CSMD3: variants seen among roughly 807,000 people sequenced by gnomAD.
CSMD3 encodes the protein CUB and Sushi multiple domains 3.
Under a neutral mutation model 435.2 loss-of-function variants are expected in CSMD3, and 177 were observed. That is an observed-to-expected ratio of 0.41 (90% confidence interval 0.36 to 0.46). CSMD3 has a LOEUF of 0.46. Ranked by LOEUF, CSMD3 falls within the 20% of genes least tolerant of loss-of-function variation. CSMD3 has a pLI of 0.34. For synonymous variants in CSMD3, 1,656 were observed against 1,520.5 expected (o/e 1.09, Z -2.07); for missense variants, 4,265 against 4,504.6 (o/e 0.95, Z 1.52).
At chr8:112,691,721 T>C (rs1414214262) in intron 13 of CSMD3, among the ~76,000 whole-genome samples, 1 of 152,136 alleles carries the variant, frequency 6.6e-6, no homozygotes, top group Non-Finnish European at 1.5e-5. Flanking sequence ...TCTTCATATT[T>C]ACAAAAGGTT....
chr8:112,318,772 C>A, intron 47 of CSMD3, 65 bp downstream of exon 47: 2 of 1,032,690 alleles, frequency 1.9e-6, no homozygotes, highest in South Asian at 2.6e-5. Flanking sequence ...CTCAATCATA[C>A]CTATATTAAG....
At chr8:112,616,314 T>C (rs987673586) in intron 22 of CSMD3, among the ~76,000 whole-genome samples, 4 of 152,070 alleles carry the variant, frequency 2.6e-5, no homozygotes, top group Non-Finnish European at 4.4e-5. Context: ...GACATAAGCA[T>C]TTTTAGTGGT....
rs555800095 is a variant in CSMD3 at position 112,381,680 on chromosome 8, C to T, written c.6032-1224G>A. On this transcript the variant is annotated intron_variant, in intron 37 of 70. Coordinates refer to ENST00000297405, the MANE Select transcript of CSMD3 (RefSeq NM_198123.2). ...GGCCATAGTGTGATAACAGCAACCA[C>T]TGAAGACAGGGATAAACAGAAACTT... Among the ~76,000 whole-genome samples the T allele has an allele frequency of 5.0e-4, 76 of 152,286 alleles. 1 individual carries two copies. Among genetic ancestry groups the T allele is most frequent in the African/African-American group, 1.8e-3 (74 of 41,556 alleles).
intron 4 of CSMD3, among the ~76,000 whole-genome samples, chr8:113,128,904 A>C (rs1212561969): frequency 1.3e-5 from 2 of 152,138 alleles, no homozygotes; most frequent in Non-Finnish European, 2.9e-5. Context: ...TTTATATGTC[A>C]AATTGGGTAG....
chr8:112,779,466 A>G (rs1488238966), intron 13 of CSMD3, among the ~76,000 whole-genome samples: 10 of 152,172 alleles, frequency 6.6e-5, no homozygotes, highest in Non-Finnish European at 1.0e-4. Flanking sequence ...CTTGTCAGAA[A>G]AAGACCATGC....
Position 112,676,436 on chromosome 8 carries a change from CAT to C in CSMD3, c.2677+6004_2677+6005del, listed in dbSNP as rs568583432. ...TATTTAATAAAATAAAATTTAATAACATATATAATTTTTAGACTTGTCTAACT... is the reference window on the plus strand; with the variant it reads ...TATTTAATAAAATAAAATTTAATAACATATAATTTTTAGACTTGTCTAACT... On this transcript the variant is annotated intron_variant, in intron 16 of 70. Transcript: ENST00000297405. 5.0e-3 allele frequency among the ~76,000 whole-genome samples: 758 copies of C among 152,002 alleles called. 4 individuals are homozygous for C. Among genetic ancestry groups the C allele is most frequent in the African/African-American group, 0.017 (689 of 41,468 alleles).
chr8:112,800,053 GCAT>G, intron 13 of CSMD3, 106 bp downstream of exon 13: 1 of 726,878 alleles, frequency 1.4e-6, no homozygotes, highest in South Asian at 1.5e-5. Context: ...TTGAAATGTA[GCAT>G]GTGTTCTGCA....
chr8:113,255,840 G>A (rs1231797550), intron 3 of CSMD3, among the ~76,000 whole-genome samples: 1 of 151,682 alleles, frequency 6.6e-6, no homozygotes, highest in African/African-American at 2.4e-5. Context: ...ATAGTAATTA[G>A]TTTATAAATT....
At chr8:112,456,742 G>A (rs923703256) in intron 32 of CSMD3, among the ~76,000 whole-genome samples, 1 of 151,968 alleles carries the variant, frequency 6.6e-6, no homozygotes, top group African/African-American at 2.4e-5. Flanking sequence ...TACACATAAG[G>A]TCTATAATTA....
At chr8:112,802,643 T>C (rs2078986284) in intron 12 of CSMD3, among the ~76,000 whole-genome samples, 1 of 151,936 alleles carries the variant, frequency 6.6e-6, no homozygotes, top group Admixed American at 6.6e-5. Flanking sequence ...TGGCAAAAGA[T>C]TTTATTTTTA....
intron 9 of CSMD3, among the ~76,000 whole-genome samples, chr8:112,938,861 G>C (rs2083365142): frequency 6.6e-6 from 1 of 152,004 alleles, no homozygotes; most frequent in African/African-American, 2.4e-5. Context: ...ATACTCCCTG[G>C]GTACAAGGCC....
At chr8:112,957,310 T>C (rs1390726215) in intron 7 of CSMD3, among the ~76,000 whole-genome samples, 1 of 152,192 alleles carries the variant, frequency 6.6e-6, no homozygotes, top group Admixed American at 6.5e-5. Flanking sequence ...GTAAAATTTA[T>C]TGTAGAGTTA....
chr8:112,469,572 C>T (rs1202938849), intron 32 of CSMD3, among the ~76,000 whole-genome samples: 1 of 152,072 alleles, frequency 6.6e-6, no homozygotes, highest in Non-Finnish European at 1.5e-5. Context: ...GATCATCAGG[C>T]ATTAGTTAGG....
intron 10 of CSMD3, among the ~76,000 whole-genome samples, chr8:112,866,772 A>G (rs1372395054): frequency 1.3e-5 from 2 of 152,192 alleles, no homozygotes; most frequent in Non-Finnish European, 2.9e-5. Context: ...CATAAACTAT[A>G]ATTCTTCTGC....
intron 1 of CSMD3, among the ~76,000 whole-genome samples, chr8:113,396,690 G>A (rs2094485045): frequency 1.3e-5 from 2 of 152,062 alleles, no homozygotes; most frequent in African/African-American, 4.8e-5. Context: ...TCGTACCAAA[G>A]TAGAATATCC....
chr8:112,534,890 A>C (rs2131095738), intron 27 of CSMD3, among the ~76,000 whole-genome samples: 1 of 152,316 alleles, frequency 6.6e-6, no homozygotes, highest in African/African-American at 2.4e-5. Context: ...GCAAATCAAT[A>C]AATGTAATCC....
At chr8:113,038,340 T>C (rs1165892789) in intron 5 of CSMD3, among the ~76,000 whole-genome samples, 1 of 152,152 alleles carries the variant, frequency 6.6e-6, no homozygotes, top group Non-Finnish European at 1.5e-5. Flanking sequence ...ATTTTTTTCT[T>C]AAGCTAAGAA....
chr8:113,353,473 C>T (rs2094202773), intron 1 of CSMD3, among the ~76,000 whole-genome samples: 1 of 152,162 alleles, frequency 6.6e-6, no homozygotes, highest in Non-Finnish European at 1.5e-5. Context: ...CACTGAAACA[C>T]TAAATTATTC....
At chr8:113,042,251 C>T (rs1236675138) in intron 5 of CSMD3, among the ~76,000 whole-genome samples, 4 of 152,102 alleles carry the variant, frequency 2.6e-5, no homozygotes, top group East Asian at 1.9e-4. Flanking sequence ...TTAACAGCAG[C>T]GATCATGGTT....
Sources: allele counts gnomAD v4.1 joint callset (sites outside exome capture counted in the v4.1 genomes callset), GRCh38; gene constraint gnomAD v4.1.1; transcripts MANE v1.5; gene names NCBI Gene and HGNC (gene_info 2026-07-23, HGNC 2026-07-21).